The following RPS6KC1 variants were observed in gnomAD, a reference collection of about 807,000 sequenced individuals.
RPS6KC1 encodes ribosomal protein S6 kinase C1, also known as inactive ribosomal protein S6 kinase delta-1.
RPS6KC1 carries 54 observed loss-of-function variants against 103.8 expected under a neutral mutation model. The ratio of observed to expected loss-of-function variants is 0.52; its 90% CI spans 0.42 to 0.65. The LOEUF (loss-of-function observed/expected upper bound fraction) is 0.65. Ranked by LOEUF, RPS6KC1 falls within the 30% of genes least tolerant of loss-of-function variation. The probability of loss-of-function intolerance (pLI) is 0.00; values close to 1 mark genes in which losing one functional copy is unlikely to be tolerated. For synonymous variants in RPS6KC1, 439 were observed against 438.7 expected, an observed-to-expected ratio of 1.00 and a Z score of -0.01; for missense variants, 1,151 against 1,253.8, an observed-to-expected ratio of 0.92 and a Z score of 1.24.
the RPS6KC1 span, among the ~76,000 whole-genome samples, chr1:213,379,129 G>A: frequency 6.6e-6 from 1 of 152,294 alleles, no homozygotes; most frequent in Admixed American, 6.5e-5. Context: ...CTGTGAAATG[G>A]GAATGAGAAC....
At chr1:213,368,487 C>T in the RPS6KC1 span, among the ~76,000 whole-genome samples, 5 of 152,210 alleles carry the variant, frequency 3.3e-5, no homozygotes, top group Admixed American at 1.3e-4. Flanking sequence ...CTATAAGAAA[C>T]ATAACTTAAA....
the RPS6KC1 span, among the ~76,000 whole-genome samples, chr1:213,327,150 T>A: frequency 6.6e-6 from 1 of 151,538 alleles, no homozygotes; most frequent in Non-Finnish European, 1.5e-5. Context: ...ATGGGAAGAT[T>A]GCACAAGCCT....
chr1:213,564,762 G>T, the RPS6KC1 span, among the ~76,000 whole-genome samples: 1 of 152,056 alleles, frequency 6.6e-6, no homozygotes, highest in Non-Finnish European at 1.5e-5. Context: ...TGTTTCTGTG[G>T]TTCCTACCTC....
chr1:213,333,902 A>C, the RPS6KC1 span, among the ~76,000 whole-genome samples: 1 of 152,118 alleles, frequency 6.6e-6, no homozygotes, highest in Non-Finnish European at 1.5e-5. Context: ...GGCTGATCTC[A>C]AACTCCTGAC....
the RPS6KC1 span, among the ~76,000 whole-genome samples, chr1:213,477,392 G>T: frequency 1.3e-5 from 2 of 150,774 alleles, no homozygotes; most frequent in African/African-American, 4.9e-5. Flanking sequence ...TTTTTTGAAA[G>T]GCAAGTTAAA....
chr1:213,518,455 C>T, the RPS6KC1 span, among the ~76,000 whole-genome samples: 1 of 152,314 alleles, frequency 6.6e-6, no homozygotes, highest in South Asian at 2.1e-4. Context: ...CGTCTGATGC[C>T]ACCAGAAGCT....
At chr1:213,336,529 A>C in the RPS6KC1 span, among the ~76,000 whole-genome samples, 3 of 152,210 alleles carry the variant, frequency 2.0e-5, no homozygotes, top group Non-Finnish European at 4.4e-5. Context: ...CCTAAGGGTC[A>C]TAGAGTCATT....
chr1:213,236,318 A>G (rs145102734), intron 10 of RPS6KC1, among the ~76,000 whole-genome samples: 3 of 152,350 alleles, frequency 2.0e-5, no homozygotes, highest in South Asian at 4.1e-4. Context: ...TTTTGAAGGT[A>G]GAACGGCATG....
At chr1:213,182,905 TATATATATCATG>T (rs1055057231) in intron 8 of RPS6KC1, among the ~76,000 whole-genome samples, 3 of 147,612 alleles carry the variant, frequency 2.0e-5, no homozygotes, top group Non-Finnish European at 4.5e-5. Flanking sequence ...GTATATATCA[TATATATATCATG>T]ATATATATCA....
the RPS6KC1 span, among the ~76,000 whole-genome samples, chr1:213,692,266 G>A: frequency 3.9e-5 from 6 of 152,010 alleles, no homozygotes; most frequent in South Asian, 1.0e-3. Flanking sequence ...ATGGTGGCAC[G>A]TGCCTGTAGT....
chr1:213,550,507 C>T, the RPS6KC1 span, among the ~76,000 whole-genome samples: 37 of 152,120 alleles, frequency 2.4e-4, no homozygotes, highest in Middle Eastern at 3.4e-3. Context: ...AAGCTTGCCT[C>T]GCCACTCTGT....
the RPS6KC1 span, among the ~76,000 whole-genome samples, chr1:213,419,465 T>C: frequency 6.6e-6 from 1 of 152,210 alleles, no homozygotes; most frequent in African/African-American, 2.4e-5. Flanking sequence ...ATGATCTATT[T>C]AACTATCCTG....
the RPS6KC1 span, among the ~76,000 whole-genome samples, chr1:213,478,993 TG>T: frequency 4.6e-5 from 7 of 152,118 alleles, no homozygotes; most frequent in South Asian, 1.4e-3. Flanking sequence ...ATTTTGTGCA[TG>T]AAAAATGACT....
At chr1:213,344,020 A>G in the RPS6KC1 span, among the ~76,000 whole-genome samples, 2 of 152,228 alleles carry the variant, frequency 1.3e-5, no homozygotes, top group African/African-American at 2.4e-5. Context: ...AGCAATTTTC[A>G]GAGATGGAAG....
the RPS6KC1 span, among the ~76,000 whole-genome samples, chr1:213,644,326 CAG>C: frequency 6.6e-6 from 1 of 152,056 alleles, no homozygotes; most frequent in South Asian, 2.1e-4. Context: ...CATCCCCCAC[CAG>C]AGAGGTACAT....
At chr1:213,206,541 G>C (rs1198080321) in intron 8 of RPS6KC1, among the ~76,000 whole-genome samples, 3 of 152,124 alleles carry the variant, frequency 2.0e-5, no homozygotes, top group Non-Finnish European at 2.9e-5. Context: ...CATGAAAAAA[G>C]ACAGAGCCAC....
the RPS6KC1 span, among the ~76,000 whole-genome samples, chr1:213,503,752 A>T: frequency 6.6e-6 from 1 of 152,332 alleles, no homozygotes; most frequent in South Asian, 2.1e-4. Context: ...AATTGACGAC[A>T]TCCAGCATTA....
At chr1:213,310,102 C>T in the RPS6KC1 span, among the ~76,000 whole-genome samples, 7,476 of 152,284 alleles carry the variant, frequency 0.049, 268 homozygotes, top group South Asian at 0.076. Flanking sequence ...CAAGCCCATC[C>T]TCGGGTGTCC....
chr1:213,754,280 CTCT>C, the RPS6KC1 span, among the ~76,000 whole-genome samples: 9 of 152,352 alleles, frequency 5.9e-5, no homozygotes, highest in African/African-American at 9.6e-5. Context: ...AGCAATCTCA[CTCT>C]TCTTCTTCCT....
Sources: allele counts gnomAD v4.1 joint callset (sites outside exome capture counted in the v4.1 genomes callset), GRCh38; gene constraint gnomAD v4.1.1; transcripts MANE v1.5; gene names NCBI Gene and HGNC (gene_info 2026-07-23, HGNC 2026-07-21).